Variants in ASAP2 observed in about 807,000 individuals in gnomAD.
ASAP2 encodes the protein ArfGAP with SH3 domain, ankyrin repeat and PH domain 2.
A neutral mutation model predicts 131.4 loss-of-function variants in ASAP2; 45 were observed. That is an observed-to-expected ratio of 0.34 (90% confidence interval 0.27 to 0.44). ASAP2 has a LOEUF of 0.44. Among genes scored for constraint, ASAP2 ranks in the 20% least tolerant of loss-of-function variants. The pLI, the probability that ASAP2 is intolerant of heterozygous loss-of-function variation, is 1.00. For missense variants in ASAP2, 1,011 were observed against 1,297.0 expected (o/e 0.78, Z 3.39); for synonymous variants, 510 against 503.0 (o/e 1.01, Z -0.19).
chr2:9,340,080 T>A (rs2148586116), intron 9 of ASAP2, among the ~76,000 whole-genome samples: 1 of 152,328 alleles, frequency 6.6e-6, no homozygotes, highest in South Asian at 2.1e-4. Flanking sequence ...TGGAGTGCAG[T>A]GGTGCAATCT....
intron 7 of ASAP2, among the ~76,000 whole-genome samples, chr2:9,328,773 C>T (rs895697445): frequency 1.3e-5 from 2 of 152,172 alleles, no homozygotes; most frequent in Non-Finnish European, 2.9e-5. Flanking sequence ...AGGTGCTGGA[C>T]CAGAGGCGAG....
Position 9,378,005 on chromosome 2 carries a change from A to G in ASAP2, c.1833-939A>G, listed in dbSNP as rs140273873. Among the ~76,000 whole-genome samples, 1,057 of 152,328 alleles carry G rather than the reference A, an allele frequency of 6.9e-3. 10 individuals are homozygous for G. The highest frequency in any genetic ancestry group is 0.024 in the African/African-American group (980 of 41,572). On this transcript the variant is annotated intron_variant, in intron 18 of 27. Coordinates refer to ENST00000281419, the MANE Select transcript of ASAP2 (RefSeq NM_003887.3). ...CCCTCCATGCACATTTTCAGGGGGC[A>G]GGAGAGGGAAGGTCCCAGTTTCTTT...
chr2:9,323,352 CA>C, intron 6 of ASAP2, 102 bp downstream of exon 6: 2 of 1,498,738 alleles, frequency 1.3e-6, no homozygotes, highest in Non-Finnish European at 1.8e-6. Context: ...GAGAAAACAC[CA>C]CATGCATTGC....
chr2:9,359,594 G>A (rs2148660935), intron 15 of ASAP2, among the ~76,000 whole-genome samples: 1 of 152,258 alleles, frequency 6.6e-6, no homozygotes, highest in East Asian at 1.9e-4. Context: ...GATGTTGACA[G>A]TAAACAGTAA....
chr2:9,339,030 T>C (rs963319107), intron 9 of ASAP2, among the ~76,000 whole-genome samples: 2 of 152,018 alleles, frequency 1.3e-5, no homozygotes, highest in Admixed American at 1.3e-4. Flanking sequence ...GTCAAAAAAA[T>C]TGGCCAGTTG....
At chr2:9,338,103 G>C (rs946070802) in intron 9 of ASAP2, among the ~76,000 whole-genome samples, 40 of 152,142 alleles carry the variant, frequency 2.6e-4, no homozygotes, top group African/African-American at 9.7e-4. Flanking sequence ...TGCCAGGATG[G>C]ACCCTGTTGG....
intron 1 of ASAP2, among the ~76,000 whole-genome samples, chr2:9,218,611 CT>C (rs150067192): frequency 0.012 from 1,846 of 152,304 alleles, 27 homozygotes; most frequent in African/African-American, 0.042. Flanking sequence ...CTGTATTCCC[CT>C]GATAGCCTGA....
chr2:9,242,137 C>T (rs1440025699), intron 1 of ASAP2, among the ~76,000 whole-genome samples: 2 of 152,142 alleles, frequency 1.3e-5, no homozygotes, highest in Non-Finnish European at 2.9e-5. Flanking sequence ...GGTCTGTGCT[C>T]TGTGCTGGAA....
chr2:9,401,212 C>T (rs1676637668), intron 26 of ASAP2, 62 bp from the exon 27 acceptor site: 9 of 1,597,452 alleles, frequency 5.6e-6, no homozygotes, highest in Middle Eastern at 1.7e-4. Context: ...GGTGCTTGAG[C>T]TCTCTGCCCT....
chr2:9,386,832 A>G (rs186075134), intron 21 of ASAP2, among the ~76,000 whole-genome samples: 8 of 152,350 alleles, frequency 5.3e-5, no homozygotes, highest in African/African-American at 1.4e-4. Context: ...AATCATACCT[A>G]GTTTAATGAA....
intron 21 of ASAP2, among the ~76,000 whole-genome samples, chr2:9,386,567 C>T (rs1323757605): frequency 6.6e-6 from 1 of 152,212 alleles, no homozygotes; most frequent in East Asian, 1.9e-4. Flanking sequence ...TCTCAGCAGA[C>T]AGCAGCCGTG....
intron 20 of ASAP2, among the ~76,000 whole-genome samples, chr2:9,383,465 G>A (rs567604789): frequency 1.3e-5 from 2 of 152,136 alleles, no homozygotes; most frequent in Admixed American, 6.5e-5. Flanking sequence ...TCGCTATGTT[G>A]CCTGGGCTGG....
chr2:9,322,132 C>T (rs1670186388), intron 5 of ASAP2, among the ~76,000 whole-genome samples: 1 of 152,184 alleles, frequency 6.6e-6, no homozygotes, highest in African/African-American at 2.4e-5. Flanking sequence ...TGCATAGACT[C>T]ATTAAACAAC....
At chr2:9,294,385 TG>T (rs1668023388) in intron 2 of ASAP2, among the ~76,000 whole-genome samples, 2 of 152,276 alleles carry the variant, frequency 1.3e-5, no homozygotes, top group South Asian at 2.1e-4. Context: ...GGAGTGCTTT[TG>T]TATTTCTTGG....
Position 9,344,599 on chromosome 2 carries a change from C to G in ASAP2, c.917C>G (p.Thr306Ser). The change falls in exon 10 of 28, where the codon ACC becomes AGC. Residue 306 changes from threonine to serine, a missense_variant. Coordinates refer to ENST00000281419, the MANE Select transcript of ASAP2 (RefSeq NM_003887.3). Reference sequence around the variant, plus strand: ...CCTCAGGGAAACAAGGAACATGGGACCGAGCGGAACGGCAGCCTCTACAAG... The same window carrying G: ...CCTCAGGGAAACAAGGAACATGGGAGCGAGCGGAACGGCAGCCTCTACAAG... ...HQPQGNKEHG[T>S]ERNGSLYKKS... is the part of the protein sequence containing the mutation. 6.2e-7 allele frequency: 1 copy of G among 1,614,126 alleles called. No individual in the cohort carries two copies. The highest frequency in any genetic ancestry group is 8.5e-7 in the Non-Finnish European group (1 of 1,180,024).
intron 1 of ASAP2, among the ~76,000 whole-genome samples, chr2:9,238,158 C>T (rs1198613727): frequency 3.9e-5 from 6 of 152,180 alleles, no homozygotes; most frequent in Non-Finnish European, 7.3e-5. Flanking sequence ...GATCTTCACA[C>T]GGATGAGCTT....
At chr2:9,240,136 T>C (rs1663845085) in intron 1 of ASAP2, among the ~76,000 whole-genome samples, 1 of 152,026 alleles carries the variant, frequency 6.6e-6, no homozygotes, top group Admixed American at 6.6e-5. Context: ...CCATTATCCC[T>C]GGGGGGTATG....
intron 1 of ASAP2, among the ~76,000 whole-genome samples, chr2:9,261,968 C>G (rs933488569): frequency 6.6e-6 from 1 of 152,156 alleles, no homozygotes. Context: ...GCCATGTGCC[C>G]CTCCCCGTGG....
chr2:9,305,417 A>G (rs112871597), intron 3 of ASAP2, among the ~76,000 whole-genome samples: 36 of 67,508 alleles, frequency 5.3e-4, no homozygotes, highest in East Asian at 2.6e-3. Flanking sequence ...GGGTATAGAT[A>G]TTGGTGGAGA....
Sources: allele counts gnomAD v4.1 joint callset (sites outside exome capture counted in the v4.1 genomes callset), GRCh38; gene constraint gnomAD v4.1.1; transcripts MANE v1.5; gene names NCBI Gene and HGNC (gene_info 2026-07-23, HGNC 2026-07-21).